DNAJC1: variants seen among roughly 807,000 people sequenced by gnomAD.
DNAJC1 encodes DnaJ heat shock protein family (Hsp40) member C1.
A neutral mutation model predicts 76.6 loss-of-function variants in DNAJC1; 58 were observed. The ratio of observed to expected loss-of-function variants is 0.76; its 90% CI spans 0.61 to 0.94. The LOEUF (loss-of-function observed/expected upper bound fraction) is 0.94. DNAJC1 is among the 40% of genes least tolerant of loss of function. The probability of loss-of-function intolerance (pLI) is 0.00; values close to 1 mark genes in which losing one functional copy is unlikely to be tolerated. For synonymous variants in DNAJC1, 258 were observed against 267.9 expected, an observed-to-expected ratio of 0.96 and a Z score of 0.36; for missense variants, 689 against 677.3, an observed-to-expected ratio of 1.02 and a Z score of -0.19.
intron 8 of DNAJC1, among the ~76,000 whole-genome samples, chr10:21,827,158 T>C (rs1407651508): frequency 6.6e-6 from 1 of 152,194 alleles, no homozygotes; most frequent in Non-Finnish European, 1.5e-5. Context: ...TGTTACTTCA[T>C]TCATTTCTAT....
chr10:21,813,175 CCTCTCTCTCTCTCTCTCTCTCTCTCT>C (rs532971786), intron 8 of DNAJC1, among the ~76,000 whole-genome samples: 3 of 28,298 alleles, frequency 1.1e-4, no homozygotes, highest in East Asian at 9.8e-4. Context: ...TCTCTCTCTC[CCTCTCTCTCTCTCTCTCTCTCTCTCT>C]CTCTCTCTCT....
At chr10:21,982,113 T>C (rs1464340275) in intron 1 of DNAJC1, among the ~76,000 whole-genome samples, 2 of 152,228 alleles carry the variant, frequency 1.3e-5, no homozygotes, top group Admixed American at 1.3e-4. Context: ...CCATGTTGTA[T>C]TCAGAATTAA....
intron 9 of DNAJC1, among the ~76,000 whole-genome samples, chr10:21,773,223 T>C (rs1383419716): frequency 6.6e-6 from 1 of 152,238 alleles, no homozygotes; most frequent in Non-Finnish European, 1.5e-5. Flanking sequence ...GGTGGAAAGG[T>C]TAATGATTTG....
chr10:21,999,580 G>A (rs906705092), intron 1 of DNAJC1, among the ~76,000 whole-genome samples: 14 of 146,528 alleles, frequency 9.6e-5, no homozygotes, highest in African/African-American at 3.5e-4. Context: ...TCAGCCTCCC[G>A]AGTAGCTGGG....
intron 8 of DNAJC1, among the ~76,000 whole-genome samples, chr10:21,880,360 T>C (rs1050376714): frequency 2.0e-5 from 3 of 152,220 alleles, no homozygotes; most frequent in Admixed American, 1.3e-4. Context: ...GCATCTAGAA[T>C]AGTAAATCCT....
intron 6 of DNAJC1, among the ~76,000 whole-genome samples, chr10:21,906,331 G>A (rs987462635): frequency 6.6e-6 from 1 of 151,862 alleles, no homozygotes; most frequent in African/African-American, 2.4e-5. Flanking sequence ...TTGGGTTAAG[G>A]TTTTATAGCC....
At chr10:21,984,585 A>G (rs1655792487) in intron 1 of DNAJC1, among the ~76,000 whole-genome samples, 1 of 152,206 alleles carries the variant, frequency 6.6e-6, no homozygotes, top group Non-Finnish European at 1.5e-5. Context: ...TACTTTTTAA[A>G]CCCCAATATC....
At chr10:21,969,007 T>C (rs2131826353) in intron 1 of DNAJC1, among the ~76,000 whole-genome samples, 1 of 152,018 alleles carries the variant, frequency 6.6e-6, no homozygotes, top group Admixed American at 6.5e-5. Context: ...ACGGATCACT[T>C]GAGGTCAGGA....
chr10:21,928,660 T>A (rs1048660683), intron 2 of DNAJC1, 108 bp from the exon 3 acceptor site: 1 of 828,078 alleles, frequency 1.2e-6, no homozygotes, highest in Non-Finnish European at 2.0e-6. Flanking sequence ...TGTGCCTATA[T>A]ATACAATAAA....
intron 1 of DNAJC1, among the ~76,000 whole-genome samples, chr10:21,985,244 CCTG>C (rs1838224031): frequency 6.6e-6 from 1 of 151,332 alleles, no homozygotes; most frequent in African/African-American, 2.4e-5. Flanking sequence ...AAACCACTAC[CCTG>C]CTTTTTTTTT....
chr10:21,773,735 G>C (rs1358504769), intron 9 of DNAJC1, among the ~76,000 whole-genome samples: 1 of 151,368 alleles, frequency 6.6e-6, no homozygotes, highest in Admixed American at 6.6e-5. Context: ...TCTGTTATCA[G>C]GAGCACACAT....
chr10:21,833,036 G>T (rs372953759), intron 8 of DNAJC1, among the ~76,000 whole-genome samples: 26 of 152,130 alleles, frequency 1.7e-4, no homozygotes, highest in African/African-American at 4.8e-4. Context: ...AAAATTTTTG[G>T]TTTTTTCCTA....
At chr10:21,827,229 T>C (rs1835276095) in intron 8 of DNAJC1, among the ~76,000 whole-genome samples, 1 of 152,176 alleles carries the variant, frequency 6.6e-6, no homozygotes, top group African/African-American at 2.4e-5. Flanking sequence ...GGAGGTCAGT[T>C]TCCTCCCTCC....
chr10:21,889,695 G>A (rs1218458708), intron 7 of DNAJC1, among the ~76,000 whole-genome samples: 1 of 152,042 alleles, frequency 6.6e-6, no homozygotes, highest in Non-Finnish European at 1.5e-5. Flanking sequence ...GCAGAAACTA[G>A]CAACCCAGAA....
chr10:21,912,197 T>C (rs1006683231), intron 6 of DNAJC1, among the ~76,000 whole-genome samples: 1 of 152,148 alleles, frequency 6.6e-6, no homozygotes, highest in Non-Finnish European at 1.5e-5. Flanking sequence ...TTTTTTCTTA[T>C]ATTTTAATAT....
At chr10:21,944,421 T>C (rs1433523922) in intron 1 of DNAJC1, among the ~76,000 whole-genome samples, 1 of 152,188 alleles carries the variant, frequency 6.6e-6, no homozygotes, top group Non-Finnish European at 1.5e-5. Context: ...TTTTTAAGTT[T>C]TTCATAGTAT....
At chr10:21,920,561 T>C (rs1348536907) in intron 4 of DNAJC1, 1 of 312,274 alleles carries the variant, frequency 3.2e-6, no homozygotes, top group Non-Finnish European at 5.8e-6. Flanking sequence ...CAGCTAGATA[T>C]TTGGGCTTTC....
intron 8 of DNAJC1, among the ~76,000 whole-genome samples, chr10:21,821,001 G>C (rs1835150254): frequency 6.6e-6 from 1 of 152,130 alleles, no homozygotes; most frequent in Non-Finnish European, 1.5e-5. Flanking sequence ...ATGTAGGCAA[G>C]ATTGACAATC....
At chr10:21,795,560 G>T (rs1308744784) in intron 9 of DNAJC1, among the ~76,000 whole-genome samples, 1 of 152,202 alleles carries the variant, frequency 6.6e-6, no homozygotes, top group Non-Finnish European at 1.5e-5. Context: ...AGTGGGAAAT[G>T]ATTGCTAATG....
Sources: gnomAD v4.1 joint callset for allele counts (sites outside exome capture counted in the v4.1 genomes callset) on GRCh38, gnomAD v4.1.1 for gene constraint, MANE v1.5 for transcripts, NCBI Gene and HGNC (gene_info 2026-07-23, HGNC 2026-07-21) for gene names.